TTLL7: variants seen among roughly 807,000 people sequenced by gnomAD.
The protein encoded by TTLL7 is tubulin tyrosine ligase like 7, also known as tubulin polyglutamylase TTLL7.
A neutral mutation model predicts 120.2 loss-of-function variants in TTLL7; 53 were observed. The observed-to-expected ratio is 0.44, with a 90% CI of 0.35 to 0.55. The LOEUF is 0.55. TTLL7 is among the 20% of genes least tolerant of loss of function. The probability of loss-of-function intolerance (pLI) is 0.00; values close to 1 mark genes in which losing one functional copy is unlikely to be tolerated. For synonymous variants in TTLL7, 353 were observed against 351.7 expected (o/e 1.00, Z -0.04); for missense variants, 803 against 1,054.7 (o/e 0.76, Z 3.31).
intron 20 of TTLL7, among the ~76,000 whole-genome samples, chr1:83,874,880 T>C (rs981873048): frequency 6.6e-6 from 1 of 151,958 alleles, no homozygotes; most frequent in African/African-American, 2.4e-5. Context: ...GAATGAAATA[T>C]TATTTATAAT....
At chr1:83,896,786 T>C (rs1182479137) in intron 18 of TTLL7, among the ~76,000 whole-genome samples, 1 of 152,124 alleles carries the variant, frequency 6.6e-6, no homozygotes, top group Non-Finnish European at 1.5e-5. Flanking sequence ...TAGTTATTTC[T>C]CTTCATCCTC....
chr1:83,985,741 T>C (rs1476931896), intron 1 of TTLL7, among the ~76,000 whole-genome samples: 1 of 151,996 alleles, frequency 6.6e-6, no homozygotes, highest in Non-Finnish European at 1.5e-5. Context: ...CTCAACAGAA[T>C]CTAAAGACAA....
At chr1:83,912,736 T>C (rs1657785889) in intron 14 of TTLL7, among the ~76,000 whole-genome samples, 1 of 152,164 alleles carries the variant, frequency 6.6e-6, no homozygotes, top group African/African-American at 2.4e-5. Flanking sequence ...AGCAGGAAAG[T>C]AGTTTAATTC....
At position 83,911,310 on chromosome 1, in the gene TTLL7, G is replaced by T. The variant is rs1196775103; in HGVS notation, c.1641C>A (p.Cys547Ter). 6.2e-7 allele frequency: 1 copy of T among 1,613,752 alleles called. No homozygotes were observed. Residue 547 changes from cysteine (C) to a stop codon, truncating the protein, a stop_gained, in exon 15 of 21, where the codon TGC becomes TGA. Transcript: ENST00000260505. LOFTEE classifies it high-confidence loss of function. ...STEIMKRPKY[C>*]SSDSSYDSSS... is the part of the protein sequence containing the mutation. ...TACTATCATAACTGCTGTCACTGCT[G>T]CAGTACTTTGGTCTTTTCATTATCT...
intron 16 of TTLL7, 115 bp from the exon 17 acceptor site, chr1:83,906,578 T>A: frequency 6.8e-7 from 1 of 1,481,322 alleles, no homozygotes; most frequent in African/African-American, 1.4e-5. Context: ...ACAATAACAA[T>A]GAAAAAGGAA....
chr1:83,918,419 A>G (rs1290021362), intron 13 of TTLL7, among the ~76,000 whole-genome samples: 2 of 152,190 alleles, frequency 1.3e-5, no homozygotes, highest in African/African-American at 2.4e-5. Context: ...CAACTGTATC[A>G]TTTAGTTATT....
intron 1 of TTLL7, among the ~76,000 whole-genome samples, chr1:83,963,593 TG>T (rs1300410566): frequency 6.6e-6 from 1 of 152,118 alleles, no homozygotes; most frequent in Non-Finnish European, 1.5e-5. Flanking sequence ...TTGCATAAAA[TG>T]CCACAACTCA....
chr1:83,984,486 G>A (rs969758860), intron 1 of TTLL7, among the ~76,000 whole-genome samples: 5 of 152,208 alleles, frequency 3.3e-5, no homozygotes, highest in African/African-American at 1.2e-4. Flanking sequence ...TATGTTCACT[G>A]CAGCACTATT....
At chr1:83,889,890 A>C (rs998220809) in intron 19 of TTLL7, 2 of 456,878 alleles carry the variant, frequency 4.4e-6, no homozygotes, top group Admixed American at 4.7e-5. Context: ...AATAGGATTA[A>C]GGGAAGCCAA....
chr1:83,927,970 T>C (rs1424697961), intron 10 of TTLL7, among the ~76,000 whole-genome samples: 5 of 152,160 alleles, frequency 3.3e-5, no homozygotes. Context: ...AGAACTGTGC[T>C]AAATTCTCTG....
At chr1:83,906,118 G>T (rs1657179425) in intron 17 of TTLL7, among the ~76,000 whole-genome samples, 1 of 151,954 alleles carries the variant, frequency 6.6e-6, no homozygotes, top group Non-Finnish European at 1.5e-5. Flanking sequence ...AAGATACTTT[G>T]TACTGCTGAT....
At chr1:83,882,760 G>A (rs140608119) in intron 20 of TTLL7, 416 of 482,378 alleles carry the variant, frequency 8.6e-4, no homozygotes, top group African/African-American at 7.6e-3. Context: ...TCACCTTTAG[G>A]TTCGTGATTG....
At chr1:83,872,678 C>G (rs971855092) in intron 20 of TTLL7, among the ~76,000 whole-genome samples, 1 of 152,188 alleles carries the variant, frequency 6.6e-6, no homozygotes, top group Non-Finnish European at 1.5e-5. Context: ...ATAAAGATCA[C>G]TAGTTGGCAC....
intron 1 of TTLL7, among the ~76,000 whole-genome samples, chr1:83,977,405 A>G (rs1307478062): frequency 6.6e-6 from 1 of 152,170 alleles, no homozygotes; most frequent in Non-Finnish European, 1.5e-5. Context: ...CAATATTTCT[A>G]GTTACAAGTT....
At chr1:83,989,194 C>A (rs960644593) in intron 1 of TTLL7, among the ~76,000 whole-genome samples, 2 of 152,150 alleles carry the variant, frequency 1.3e-5, no homozygotes, top group African/African-American at 2.4e-5. Flanking sequence ...CTAGGTCCCA[C>A]CTATAAATTT....
chr1:83,952,277 T>G lies in TTLL7; in HGVS notation c.-66A>C. On this transcript the variant is annotated 5_prime_UTR_variant, in exon 2 of 21. Coordinates refer to ENST00000260505, the MANE Select transcript of TTLL7 (RefSeq NM_024686.6). ...CCAAGCTCTCAGGAAATCTGGAAATTCCACATTAGTCTAAGTAGGATATGG... is the reference window on the plus strand; with the variant it reads ...CCAAGCTCTCAGGAAATCTGGAAATGCCACATTAGTCTAAGTAGGATATGG... 1 of 1,571,704 alleles carries G rather than the reference T, an allele frequency of 6.4e-7. No individual in the cohort carries two copies. Among genetic ancestry groups the G allele is most frequent in the Non-Finnish European group, 8.7e-7 (1 of 1,144,250 alleles).
chr1:83,905,122 T>C (rs991899345), intron 17 of TTLL7, among the ~76,000 whole-genome samples: 2 of 151,970 alleles, frequency 1.3e-5, no homozygotes, highest in Non-Finnish European at 2.9e-5. Flanking sequence ...AGTCATTGGC[T>C]ATATATAGAA....
chr1:83,877,675 T>G (rs1654048483), intron 20 of TTLL7, among the ~76,000 whole-genome samples: 1 of 151,986 alleles, frequency 6.6e-6, no homozygotes, highest in Non-Finnish European at 1.5e-5. Flanking sequence ...GAATCTGTAG[T>G]AACGTCTCCC....
chr1:83,963,626 C>T (rs1047276498), intron 1 of TTLL7, among the ~76,000 whole-genome samples: 2 of 151,988 alleles, frequency 1.3e-5, no homozygotes, highest in African/African-American at 2.4e-5. Context: ...AGCAGGTTTC[C>T]TTACATGTTT....
Sources: gnomAD v4.1 joint callset for allele counts (sites outside exome capture counted in the v4.1 genomes callset) on GRCh38, gnomAD v4.1.1 for gene constraint, MANE v1.5 for transcripts, NCBI Gene and HGNC (gene_info 2026-07-23, HGNC 2026-07-21) for gene names.